The following PTPN9 variants were observed in gnomAD, a reference collection of about 807,000 sequenced individuals.
The protein encoded by PTPN9 is protein tyrosine phosphatase non-receptor type 9.
In PTPN9, 26 loss-of-function variants were observed where a neutral mutation model predicts 69.8. The ratio of observed to expected loss-of-function variants is 0.37; its 90% CI spans 0.27 to 0.52. PTPN9 has a LOEUF of 0.52. PTPN9 is among the 20% of genes least tolerant of loss of function. PTPN9 has a pLI of 0.91. For synonymous variants in PTPN9, 274 were observed against 272.5 expected (o/e 1.01, Z -0.05); for missense variants, 549 against 740.3 (o/e 0.74, Z 3.00).
intron 2 of PTPN9, among the ~76,000 whole-genome samples, chr15:75,524,800 A>AAT (rs1389342931): frequency 1.3e-5 from 2 of 149,918 alleles, no homozygotes; most frequent in East Asian, 3.9e-4. Flanking sequence ...AAAAAAAAAA[A>AAT]AGAATTCAGC....
rs925206692 is a variant in PTPN9 at position 75,559,783 on chromosome 15, A to AAAAAAAAAG, written c.63+18930_63+18931insCTTTTTTTT. Among the ~76,000 whole-genome samples, 207 of 142,474 alleles carry AAAAAAAAAG rather than the reference A, an allele frequency of 1.5e-3. 1 individual carries two copies. The highest frequency in any genetic ancestry group is 2.6e-3 in the Non-Finnish European group (174 of 65,672). The allele number at this position is 142,474 out of a possible 152,430, so 93.5% of individuals were successfully genotyped here. The stretch of plus-strand genomic sequence containing the variant: ...GAATGGTCAACAAAAAAAAAAAAAA[A>AAAAAAAAAG]AAGAAGAAAGAAAATATTTGGGGTG... On this transcript the variant is annotated intron_variant, in intron 1 of 12. Transcript: ENST00000618819.
chr15:75,463,752 G>C lies in PTPN9; in HGVS notation c.*5017C>G, dbSNP rs1419069878. ...CCTAGTCTTCTCTGTAGTCAATTAT[G>C]AACAGTGCAGTCTAGAACACTTGAT... On this transcript the variant is annotated 3_prime_UTR_variant, in exon 13 of 13. Transcript: ENST00000618819. The C allele has an allele frequency of 6.6e-6, 1 of 152,244 alleles. No homozygotes were observed. Among genetic ancestry groups the C allele is most frequent in the Admixed American group, 6.5e-5 (1 of 15,280 alleles). 9.4% of individuals were successfully genotyped at this position (152,244 alleles called of 1,614,324 possible).
chr15:75,481,264 T>C (rs2074632268), intron 8 of PTPN9, among the ~76,000 whole-genome samples: 3 of 76,024 alleles, frequency 3.9e-5, no homozygotes, highest in South Asian at 6.0e-4. Context: ...GTGAGGAGCC[T>C]CTCCGCCCGG....
intron 1 of PTPN9, among the ~76,000 whole-genome samples, chr15:75,529,631 C>A (rs767192568): frequency 6.6e-6 from 1 of 152,052 alleles, no homozygotes; most frequent in Non-Finnish European, 1.5e-5. Flanking sequence ...AAGGGAGGAC[C>A]GGGCACGGTG....
intron 12 of PTPN9, 38 bp from the exon 13 acceptor site, chr15:75,469,021 C>G: frequency 6.5e-7 from 1 of 1,527,126 alleles, no homozygotes; most frequent in South Asian, 1.1e-5. Flanking sequence ...TGGTTTACCT[C>G]TCTTCTCTTC....
intron 4 of PTPN9, among the ~76,000 whole-genome samples, chr15:75,521,845 T>A (rs1368774105): frequency 6.6e-6 from 1 of 152,194 alleles, no homozygotes; most frequent in Admixed American, 6.5e-5. Flanking sequence ...TCTCTCAACC[T>A]ACAGAGATTC....
At chr15:75,534,674 CA>C (rs56302688) in intron 1 of PTPN9, among the ~76,000 whole-genome samples, 330 of 96,256 alleles carry the variant, frequency 3.4e-3, no homozygotes, top group African/African-American at 4.7e-3. Flanking sequence ...GACTCTATCT[CA>C]AAAAAAAAAA....
chr15:75,499,150 C>T (rs2074759432), intron 7 of PTPN9, among the ~76,000 whole-genome samples: 1 of 152,106 alleles, frequency 6.6e-6, no homozygotes, highest in Non-Finnish European at 1.5e-5. Context: ...AGTGAATATA[C>T]ACTGATAGCC....
intron 1 of PTPN9, among the ~76,000 whole-genome samples, chr15:75,575,715 C>G (rs1384005505): frequency 6.6e-6 from 1 of 150,722 alleles, no homozygotes; most frequent in Non-Finnish European, 1.5e-5. Flanking sequence ...GTCAGGAGAT[C>G]GAGACCATCC....
chr15:75,503,822 G>A (rs1367753805), intron 7 of PTPN9, among the ~76,000 whole-genome samples: 31 of 111,916 alleles, frequency 2.8e-4, no homozygotes, highest in South Asian at 6.2e-4. Context: ...TCAGCCCCCC[G>A]CCCGGCCAGC....
intron 7 of PTPN9, among the ~76,000 whole-genome samples, chr15:75,504,889 A>C (rs4886447): frequency 1.4e-5 from 2 of 147,264 alleles, no homozygotes; most frequent in Admixed American, 6.7e-5. Context: ...GGTGAGGGGC[A>C]CCTCTGCCCA....
At position 75,514,681 on chromosome 15, in the gene PTPN9, G is replaced by A. The variant is rs141737288; in HGVS notation, c.528+2578C>T. Among the ~76,000 whole-genome samples the A allele has an allele frequency of 6.6e-5, 10 of 152,240 alleles. No individual in the cohort carries two copies. The East Asian group carries it at 1.9e-3, about 29-fold the overall frequency. ...GTGCGCACACATTATATGTGTGTGT[G>A]TATATATGTATCTTCATGGATTAGA... On this transcript the variant is annotated intron_variant, in intron 5 of 12. Coordinates refer to ENST00000618819, the MANE Select transcript of PTPN9 (RefSeq NM_002833.4).
chr15:75,473,715 T>C lies in PTPN9; in HGVS notation c.1182A>G (p.Lys394=). Residue 394 remains lysine, a synonymous_variant, in exon 10 of 13, where the codon AAA becomes AAG. Transcript: ENST00000618819. ...RDFWLMVWEQ[K]VLVIVMTTRF... ...GGGTGGTCATGACAATCACCAAGAC[T>C]TTTTGCTCCCATACCATGAGCCAGA... The C allele has an allele frequency of 6.3e-7, 1 of 1,586,182 alleles. No individual in the cohort carries two copies. The highest frequency in any genetic ancestry group is 2.2e-5 in the East Asian group (1 of 44,736).
chr15:75,542,126 A>T (rs2075011570), intron 1 of PTPN9, among the ~76,000 whole-genome samples: 1 of 152,186 alleles, frequency 6.6e-6, no homozygotes, highest in Admixed American at 6.5e-5. Flanking sequence ...GGAACTCAGA[A>T]CCAACTGCTT....
intron 1 of PTPN9, 39 bp downstream of exon 1, chr15:75,578,675 C>A (rs1197058445): frequency 7.4e-7 from 1 of 1,348,076 alleles, no homozygotes. Context: ...GCCTCGGGGG[C>A]CCGGACACAC....
chr15:75,548,136 T>A (rs2141333793), intron 1 of PTPN9, among the ~76,000 whole-genome samples: 1 of 152,240 alleles, frequency 6.6e-6, no homozygotes, highest in South Asian at 2.1e-4. Context: ...ACAAGAAAAG[T>A]GGTAGAGCCT....
At chr15:75,518,959 G>A (rs374248873) in intron 4 of PTPN9, among the ~76,000 whole-genome samples, 159 of 152,152 alleles carry the variant, frequency 1.0e-3, no homozygotes, top group African/African-American at 3.5e-3. Flanking sequence ...AGCCAGATCC[G>A]TACTTATATG....
At chr15:75,549,940 C>T (rs1311946648) in intron 1 of PTPN9, among the ~76,000 whole-genome samples, 1 of 152,046 alleles carries the variant, frequency 6.6e-6, no homozygotes, top group Admixed American at 6.6e-5. Context: ...CATCCCTGTA[C>T]TCTTGCCTGA....
chr15:75,549,205 A>AC (rs1555456889), intron 1 of PTPN9, among the ~76,000 whole-genome samples: 39 of 151,210 alleles, frequency 2.6e-4, no homozygotes. Context: ...TTCCAATTTC[A>AC]TTTTTTTTTC....
Sources: gnomAD v4.1 joint callset for allele counts (sites outside exome capture counted in the v4.1 genomes callset) on GRCh38, gnomAD v4.1.1 for gene constraint, MANE v1.5 for transcripts, NCBI Gene and HGNC (gene_info 2026-07-23, HGNC 2026-07-21) for gene names.